The following TANC1 variants were observed in gnomAD, a reference collection of about 807,000 sequenced individuals.
TANC1 encodes the protein protein TANC1.
Under a neutral mutation model 149.7 loss-of-function variants are expected in TANC1, and 77 were observed. The ratio of observed to expected loss-of-function variants is 0.51; its 90% CI spans 0.43 to 0.62. The LOEUF (loss-of-function observed/expected upper bound fraction) is 0.62, where lower values mean the gene tolerates loss of function less well. Ranked by LOEUF, TANC1 falls within the 20% of genes least tolerant of loss-of-function variation. TANC1 has a pLI of 0.00. For missense variants in TANC1, 1,985 were observed against 2,321.8 expected (o/e 0.85, Z 2.98); for synonymous variants, 854 against 925.0 (o/e 0.92, Z 1.39).
intron 2 of TANC1, among the ~76,000 whole-genome samples, chr2:159,020,892 C>T (rs16843567): frequency 0.046 from 7,006 of 150,942 alleles, 507 homozygotes; most frequent in African/African-American, 0.16. Context: ...TTCCTGGCCT[C>T]GGGTCCAGTT....
intron 7 of TANC1, among the ~76,000 whole-genome samples, chr2:159,157,535 T>A (rs2053566844): frequency 6.6e-6 from 1 of 152,192 alleles, no homozygotes; most frequent in Non-Finnish European, 1.5e-5. Flanking sequence ...CCTACAGACT[T>A]CTGCGCGCGT....
rs68143585 is a variant in TANC1 at position 159,079,346 on chromosome 2, CTTT to C, written c.61+13394_61+13396del. Among the ~76,000 whole-genome samples the C allele has an allele frequency of 2.0e-3, 215 of 109,904 alleles. 1 individual carries two copies. The highest frequency in any genetic ancestry group is 0.011 in the Middle Eastern group (2 of 184). 72.1% of individuals were successfully genotyped at this position (109,904 alleles called of 152,430 possible). Reference sequence around the variant, plus strand: ...TCACTTGGCTGAAAAGTGTGTGTGTCTTTTTTTTTTTTTTTTTTTTTGAGTGTT... The same window carrying C: ...TCACTTGGCTGAAAAGTGTGTGTGTCTTTTTTTTTTTTTTTTTTGAGTGTT... On this transcript the variant is annotated intron_variant, in intron 3 of 26. Coordinates refer to ENST00000263635, the MANE Select transcript of TANC1 (RefSeq NM_033394.3).
intron 2 of TANC1, among the ~76,000 whole-genome samples, chr2:159,003,451 A>G (rs1029344723): frequency 1.3e-5 from 2 of 152,194 alleles, no homozygotes; most frequent in Admixed American, 6.5e-5. Context: ...CTCAGCCAGA[A>G]ACAGTGCCTG....
chr2:159,177,465 T>G (rs2055994232), intron 13 of TANC1, among the ~76,000 whole-genome samples: 1 of 152,236 alleles, frequency 6.6e-6, no homozygotes, highest in African/African-American at 2.4e-5. Flanking sequence ...TGGAATTTTT[T>G]CATTATAAAA....
At chr2:159,116,837 A>T (rs1465237412) in intron 4 of TANC1, among the ~76,000 whole-genome samples, 1 of 152,250 alleles carries the variant, frequency 6.6e-6, no homozygotes, top group Non-Finnish European at 1.5e-5. Context: ...CTTAGGTATG[A>T]ACCCCACTTA....
intron 23 of TANC1, 32 bp from the exon 24 acceptor site, chr2:159,225,656 G>T: frequency 6.3e-7 from 1 of 1,587,030 alleles, no homozygotes; most frequent in Non-Finnish European, 8.7e-7. Flanking sequence ...CAGGGCCTCT[G>T]AAGTGCCTCT....
chr2:159,050,588 T>C (rs1434703563), intron 2 of TANC1, among the ~76,000 whole-genome samples: 2 of 152,210 alleles, frequency 1.3e-5, no homozygotes, highest in Admixed American at 6.5e-5. Context: ...AGAGCTAAGG[T>C]GTGACCTAGA....
intron 19 of TANC1, among the ~76,000 whole-genome samples, chr2:159,202,415 C>T (rs1410239894): frequency 6.6e-6 from 1 of 152,206 alleles, no homozygotes; most frequent in Non-Finnish European, 1.5e-5. Flanking sequence ...AGAAAACTTG[C>T]AGACTGTCTC....
chr2:159,091,673 T>G (rs2045559106), intron 3 of TANC1, among the ~76,000 whole-genome samples: 1 of 152,208 alleles, frequency 6.6e-6, no homozygotes, highest in African/African-American at 2.4e-5. Context: ...ACTGGGTGGA[T>G]TTTTGAAGAC....
At chr2:158,999,300 G>A (rs956300563) in intron 1 of TANC1, among the ~76,000 whole-genome samples, 3 of 152,140 alleles carry the variant, frequency 2.0e-5, no homozygotes, top group East Asian at 1.9e-4. Flanking sequence ...AATTGGTATC[G>A]AGAAATTAGT....
chr2:159,119,322 C>A (rs1158944276), intron 4 of TANC1, among the ~76,000 whole-genome samples: 1 of 152,050 alleles, frequency 6.6e-6, no homozygotes, highest in Non-Finnish European at 1.5e-5. Context: ...TTGTTTACAC[C>A]CACTCTTCAG....
chr2:159,112,674 T>TA (rs2150033847), intron 4 of TANC1, among the ~76,000 whole-genome samples: 1 of 151,530 alleles, frequency 6.6e-6, no homozygotes, highest in East Asian at 2.0e-4. Context: ...CTCCTGGGTG[T>TA]AAGCAGTCCT....
At chr2:159,120,636 T>A (rs1347331390) in intron 4 of TANC1, among the ~76,000 whole-genome samples, 1 of 152,142 alleles carries the variant, frequency 6.6e-6, no homozygotes, top group Admixed American at 6.5e-5. Flanking sequence ...AGCTAAAAAT[T>A]ATGTATTTCA....
Position 159,103,408 on chromosome 2 carries a change from G to A in TANC1, c.259+5574G>A, listed in dbSNP as rs1228610067. Among the ~76,000 whole-genome samples, 5 of 96,234 alleles carry A rather than the reference G, an allele frequency of 5.2e-5. 2 individuals carry two copies. Among genetic ancestry groups the A allele is most frequent in the Non-Finnish European group, 1.4e-4 (5 of 34,506 alleles). 63.1% of individuals were successfully genotyped at this position (96,234 alleles called of 152,430 possible). A position where few individuals can be genotyped will look rare whatever the true frequency, so the allele number is the denominator to read the frequency against. On this transcript the variant is annotated intron_variant, in intron 4 of 26. Coordinates refer to ENST00000263635, the MANE Select transcript of TANC1 (RefSeq NM_033394.3). ...CTGCTTTTTGAAATTCACATCTTCT[G>A]GGAACAGCTTAAATGGATGGTGCTT...
At chr2:159,091,732 C>T (rs1412003155) in intron 3 of TANC1, among the ~76,000 whole-genome samples, 1 of 152,210 alleles carries the variant, frequency 6.6e-6, no homozygotes, top group East Asian at 1.9e-4. Context: ...TAGGGGTTAG[C>T]TGCTTTCTTG....
intron 5 of TANC1, among the ~76,000 whole-genome samples, chr2:159,147,108 T>G (rs1163271436): frequency 6.6e-6 from 1 of 152,106 alleles, no homozygotes; most frequent in Admixed American, 6.5e-5. Flanking sequence ...CTGTTTGTTG[T>G]GGAGGTGAAT....
chr2:159,147,412 C>G (rs1242828473), intron 5 of TANC1: 1 of 152,400 alleles, frequency 6.6e-6, no homozygotes, highest in East Asian at 1.9e-4. Context: ...CTGCCTGGGC[C>G]CGGGGCAGAG....
Position 159,053,126 on chromosome 2 carries a change from G to C in TANC1, c.-15-12770G>C, listed in dbSNP as rs555765951. ...GACTAGATTTGTTAACATTAAACCT[G>C]AATTTTTTTTTTTTAAGTCTTAACA... is the stretch of plus-strand genomic sequence containing the variant. On this transcript the variant is annotated intron_variant, in intron 2 of 26. Transcript: ENST00000263635. Among the ~76,000 whole-genome samples, 19 of 83,376 alleles carry C rather than the reference G, an allele frequency of 2.3e-4. 1 individual carries two copies. Among genetic ancestry groups the C allele is most frequent in the South Asian group, 2.1e-3 (5 of 2,394 alleles). 54.7% of individuals were successfully genotyped at this position (83,376 alleles called of 152,430 possible). A position where few individuals can be genotyped will look rare whatever the true frequency, so the allele number is the denominator to read the frequency against.
chr2:159,100,435 C>T (rs764048932), intron 4 of TANC1, among the ~76,000 whole-genome samples: 15 of 152,090 alleles, frequency 9.9e-5, no homozygotes, highest in Non-Finnish European at 1.9e-4. Context: ...TGTCTTTTTT[C>T]AAGAAAATAT....
Sources: gnomAD v4.1 joint callset for allele counts (sites outside exome capture counted in the v4.1 genomes callset) on GRCh38, gnomAD v4.1.1 for gene constraint, MANE v1.5 for transcripts, NCBI Gene and HGNC (gene_info 2026-07-23, HGNC 2026-07-21) for gene names.